JAM3: variants seen among roughly 807,000 people sequenced by gnomAD.
The protein encoded by JAM3 is junctional adhesion molecule 3.
In JAM3, 31 loss-of-function variants were observed where a neutral mutation model predicts 39.4. That is an observed-to-expected ratio of 0.79 (90% confidence interval 0.59 to 1.06). The LOEUF is 1.06. Ranked by LOEUF, JAM3 falls within the 50% of genes least tolerant of loss-of-function variation. The pLI, the probability that JAM3 is intolerant of heterozygous loss-of-function variation, is 0.00. For missense variants in JAM3, 455 were observed against 391.4 expected (o/e 1.16, Z -1.37); for synonymous variants, 182 against 148.7 (o/e 1.22, Z -1.63).
chr11:134,115,575 A>T (rs1273212908), intron 1 of JAM3, among the ~76,000 whole-genome samples: 10 of 152,058 alleles, frequency 6.6e-5, no homozygotes, highest in Admixed American at 6.6e-4. Context: ...AGTTTATCTG[A>T]TGTTTTCTCA....
chr11:134,069,244 G>C (rs935375320), intron 1 of JAM3, 85 bp downstream of exon 1: 22 of 1,529,874 alleles, frequency 1.4e-5, no homozygotes, highest in Non-Finnish European at 1.9e-5. Flanking sequence ...GAGCCGGTCC[G>C]GGCGAGGATA....
Position 134,148,563 on chromosome 11 carries a change from C to T in JAM3, c.729C>T (p.Gly243=), listed in dbSNP as rs770857042. 13 of 1,613,922 alleles carry T rather than the reference C, an allele frequency of 8.1e-6. No homozygotes were observed. The highest frequency in any genetic ancestry group is 1.7e-5 in the Admixed American group (1 of 59,986). The change falls in exon 7 of 9, where the codon GGC becomes GGT. Residue 243 remains glycine, a synonymous_variant. Coordinates refer to ENST00000299106, the MANE Select transcript of JAM3 (RefSeq NM_032801.5). ...TTTCTTCAGATGACCTGAACATTGG[C>T]GGAATTATTGGGGGGGTTCTGGTTG... ...QEMEVYDLNI[G]GIIGGVLVVL...
rs1943249774 is a variant in JAM3 at position 134,151,907 on chromosome 11, G to A, written c.*2726G>A. ...AGGAGGTCAGCCTGTGTGCTCAAGA[G>A]CAGTGCTGCGCCTCTCCGCCACCGA... On this transcript the variant is annotated 3_prime_UTR_variant, in exon 9 of 9. Coordinates refer to ENST00000299106, the MANE Select transcript of JAM3 (RefSeq NM_032801.5). 6.6e-6 allele frequency: 1 copy of A among 152,166 alleles called. No individual in the cohort carries two copies. The highest frequency in any genetic ancestry group is 2.1e-4 in the South Asian group (1 of 4,822). The allele number at this position is 152,166 out of a possible 1,614,324, so 9.4% of individuals were successfully genotyped here.
At chr11:134,121,453 C>T (rs541311316) in intron 1 of JAM3, among the ~76,000 whole-genome samples, 2 of 151,808 alleles carry the variant, frequency 1.3e-5, no homozygotes, top group East Asian at 3.9e-4. Context: ...CCTGCCTTAT[C>T]ATTCCCATCT....
In JAM3 at chr11:134,085,151, A is replaced by G. The variant is rs143376841; in HGVS notation, c.76+15992A>G. On this transcript the variant is annotated intron_variant, in intron 1 of 8. Coordinates refer to ENST00000299106, the MANE Select transcript of JAM3 (RefSeq NM_032801.5). ...CCATGGCAGTGTGGATGTGGTTGAA[A>G]AACCAGGTTATGAGTTTTCTCATGT... 1.3e-4 allele frequency among the ~76,000 whole-genome samples: 20 copies of G among 152,270 alleles called. No homozygotes were observed. The East Asian group carries it at 3.5e-3, about 26-fold the overall frequency.
At chr11:134,119,802 C>T (rs1341600917) in intron 1 of JAM3, among the ~76,000 whole-genome samples, 1 of 152,146 alleles carries the variant, frequency 6.6e-6, no homozygotes. Context: ...ATAAAATTAA[C>T]CCTCACAGCT....
Position 134,144,692 on chromosome 11 carries a change from T to C in JAM3, c.410-100T>C, listed in dbSNP as rs1943038483. The C allele has an allele frequency of 1.1e-5, 12 of 1,124,698 alleles. No individual in the cohort carries two copies. The South Asian group carries it at 1.3e-4, about 12-fold the overall frequency. The allele number at this position is 1,124,698 out of a possible 1,614,324, so 69.7% of individuals were successfully genotyped here. ...GGAACAGCAGTGGCGTGGGAACCCC[T>C]CGACTGGCTGTCTTGTCTTTGGAGC... is the stretch of plus-strand genomic sequence containing the variant. On this transcript the variant is annotated intron_variant, in intron 4 of 8. Coordinates refer to ENST00000299106, the MANE Select transcript of JAM3 (RefSeq NM_032801.5).
At chr11:134,104,522 G>A (rs1942142873) in intron 1 of JAM3, among the ~76,000 whole-genome samples, 1 of 151,956 alleles carries the variant, frequency 6.6e-6, no homozygotes, top group South Asian at 2.1e-4. Flanking sequence ...CAGAATGGAA[G>A]GAAATAGAGA....
chr11:134,107,989 A>G (rs1438547488), intron 1 of JAM3, among the ~76,000 whole-genome samples: 2 of 152,114 alleles, frequency 1.3e-5, no homozygotes, highest in African/African-American at 4.8e-5. Context: ...AACAAAAACA[A>G]CAGAAAAAAA....
At chr11:134,093,460 T>C (rs1301405725) in intron 1 of JAM3, among the ~76,000 whole-genome samples, 1 of 137,074 alleles carries the variant, frequency 7.3e-6, no homozygotes, top group Non-Finnish European at 1.6e-5. Context: ...TTCGTCATGT[T>C]CCACCTTACA....
At chr11:134,140,044 G>A (rs1942946608) in intron 2 of JAM3, 128 bp downstream of exon 2, 8 of 765,868 alleles carry the variant, frequency 1.0e-5, no homozygotes, top group South Asian at 3.0e-5. Flanking sequence ...ACTGCTCTGC[G>A]GTGCACAGGC....
chr11:134,119,230 G>A (rs1942491540), intron 1 of JAM3, among the ~76,000 whole-genome samples: 1 of 152,056 alleles, frequency 6.6e-6, no homozygotes, highest in African/African-American at 2.4e-5. Flanking sequence ...CTGGCAAGAA[G>A]TCTTTGGTGG....
chr11:134,133,624 C>A (rs1461742783), intron 1 of JAM3, among the ~76,000 whole-genome samples: 1 of 152,126 alleles, frequency 6.6e-6, no homozygotes, highest in Non-Finnish European at 1.5e-5. Context: ...AGAAATCCCA[C>A]TTGTTAGGTA....
intron 1 of JAM3, among the ~76,000 whole-genome samples, chr11:134,106,450 G>C (rs1232510730): frequency 6.6e-6 from 1 of 152,180 alleles, no homozygotes; most frequent in Non-Finnish European, 1.5e-5. Flanking sequence ...AGGACTTCAT[G>C]TCTAAAACAC....
chr11:134,072,627 A>G (rs1941500014), intron 1 of JAM3, among the ~76,000 whole-genome samples: 1 of 152,196 alleles, frequency 6.6e-6, no homozygotes, highest in Non-Finnish European at 1.5e-5. Context: ...CTTTTAAGAT[A>G]TGTTTATAGT....
At chr11:134,074,084 T>A (rs554610606) in intron 1 of JAM3, among the ~76,000 whole-genome samples, 1 of 152,218 alleles carries the variant, frequency 6.6e-6, no homozygotes, top group African/African-American at 2.4e-5. Flanking sequence ...TGATATCATT[T>A]AAGTGACACA....
At chr11:134,102,905 T>C (rs968116448) in intron 1 of JAM3, among the ~76,000 whole-genome samples, 24 of 152,144 alleles carry the variant, frequency 1.6e-4, no homozygotes, top group South Asian at 8.3e-4. Flanking sequence ...CTGAAAGTGA[T>C]GGGGAGAATG....
chr11:134,141,774 GC>G (rs1942976323), intron 3 of JAM3, among the ~76,000 whole-genome samples: 1 of 152,142 alleles, frequency 6.6e-6, no homozygotes, highest in Non-Finnish European at 1.5e-5. Context: ...ACAGAGGGAG[GC>G]AGGCAGGTGG....
intron 6 of JAM3, among the ~76,000 whole-genome samples, chr11:134,147,527 C>T (rs901882184): frequency 8.6e-5 from 13 of 150,646 alleles, no homozygotes; most frequent in Non-Finnish European, 1.8e-4. Flanking sequence ...CGCTCTGTCA[C>T]CCAGGCTGGA....
Sources: allele counts gnomAD v4.1 joint callset (sites outside exome capture counted in the v4.1 genomes callset), GRCh38; gene constraint gnomAD v4.1.1; transcripts MANE v1.5; gene names NCBI Gene and HGNC (gene_info 2026-07-23, HGNC 2026-07-21).